The following ADK variants were observed in gnomAD, a reference collection of about 807,000 sequenced individuals.
The protein encoded by ADK is adenosine kinase, also known as N6,N6-dimethyladenosine kinase.
A neutral mutation model predicts 44.7 loss-of-function variants in ADK; 24 were observed. The observed-to-expected ratio is 0.54, with a 90% CI of 0.39 to 0.76. The LOEUF is 0.76. ADK is among the 30% of genes least tolerant of loss of function. The pLI is 0.00. For synonymous variants in ADK, 128 were observed against 142.6 expected, an observed-to-expected ratio of 0.90 and a Z score of 0.73; for missense variants, 321 against 425.1, an observed-to-expected ratio of 0.76 and a Z score of 2.15.
At chr10:74,222,501 C>G (rs1844352191) in intron 2 of ADK, among the ~76,000 whole-genome samples, 1 of 151,938 alleles carries the variant, frequency 6.6e-6, no homozygotes, top group African/African-American at 2.4e-5. Context: ...CCCAGCCATC[C>G]CATTACTGGG....
At chr10:74,430,035 A>G (rs1844929157) in intron 6 of ADK, among the ~76,000 whole-genome samples, 1 of 152,182 alleles carries the variant, frequency 6.6e-6, no homozygotes, top group Admixed American at 6.5e-5. Flanking sequence ...TATTACCTCT[A>G]TTTTATTGAT....
chr10:74,516,215 G>C (rs569943869), intron 6 of ADK, among the ~76,000 whole-genome samples: 62 of 152,140 alleles, frequency 4.1e-4, no homozygotes, highest in Non-Finnish European at 7.4e-4. Flanking sequence ...GAGGCTGGTA[G>C]GGATCTTCTG....
Position 74,230,524 on chromosome 10 carries a change from A to G in ADK, c.194+5933A>G, listed in dbSNP as rs1222986078. On this transcript the variant is annotated intron_variant, in intron 3 of 10. Coordinates refer to ENST00000539909, the MANE Select transcript of ADK (RefSeq NM_006721.4). ...TCTCGCTTTGTCACCCAGGCTAGAA[A>G]ACAGTTGCATGATCATGGCTCACTA... Among the ~76,000 whole-genome samples the G allele has an allele frequency of 2.0e-5, 3 of 151,698 alleles. No individual in the cohort carries two copies. In the South Asian group the frequency reaches 6.3e-4, roughly 32 times the overall value.
intron 6 of ADK, among the ~76,000 whole-genome samples, chr10:74,457,210 C>T (rs930443360): frequency 1.3e-5 from 2 of 152,162 alleles, no homozygotes; most frequent in African/African-American, 2.4e-5. Flanking sequence ...CACCTCTACG[C>T]AAATAAACTA....
At chr10:74,678,185 A>G (rs1855475104) in intron 10 of ADK, among the ~76,000 whole-genome samples, 1 of 151,640 alleles carries the variant, frequency 6.6e-6, no homozygotes, top group Non-Finnish European at 1.5e-5. Flanking sequence ...CACCACAGAT[A>G]GTAGTTCAGG....
chr10:74,209,121 T>G (rs530706773), intron 2 of ADK, among the ~76,000 whole-genome samples: 1 of 152,322 alleles, frequency 6.6e-6, no homozygotes, highest in African/African-American at 2.4e-5. Context: ...TGTAGCAGTA[T>G]AAGAAGTGTG....
chr10:74,375,283 CT>C (rs1260765338), intron 4 of ADK, among the ~76,000 whole-genome samples: 10 of 151,816 alleles, frequency 6.6e-5, no homozygotes, highest in Admixed American at 5.9e-4. Flanking sequence ...TTGCCTTTTG[CT>C]TTTTTTAATA....
At position 74,296,066 on chromosome 10, in the gene ADK, CTTT is replaced by C. The variant is rs59799489; in HGVS notation, c.195-18587_195-18585del. On this transcript the variant is annotated intron_variant, in intron 3 of 10. Transcript: ENST00000539909. Reference sequence around the variant, plus strand: ...TTTTCTATTTCCACGTATTTAGCTCCTTTTTTTTTTTTTTTTACTTTCTTTGGG... The same window carrying C: ...TTTTCTATTTCCACGTATTTAGCTCCTTTTTTTTTTTTTACTTTCTTTGGG... 2.9e-3 allele frequency among the ~76,000 whole-genome samples: 402 copies of C among 139,924 alleles called. 1 individual carries two copies. Among genetic ancestry groups the C allele is most frequent in the Middle Eastern group, 7.5e-3 (2 of 266 alleles). The allele number at this position is 139,924 out of a possible 152,430, so 91.8% of individuals were successfully genotyped here.
chr10:74,398,434 A>G, intron 5 of ADK, 37 bp from the exon 6 acceptor site: 2 of 1,397,328 alleles, frequency 1.4e-6, no homozygotes, highest in Non-Finnish European at 2.0e-6. Context: ...GCTAAGTTTG[A>G]CTATAATATT....
chr10:74,694,751 G>A (rs1199713638), intron 10 of ADK, among the ~76,000 whole-genome samples: 3 of 152,076 alleles, frequency 2.0e-5, no homozygotes, highest in Admixed American at 1.3e-4. Context: ...CAAAGTGCTG[G>A]GATTACAGGC....
At chr10:74,199,360 A>C (rs759676360) in intron 1 of ADK, among the ~76,000 whole-genome samples, 1 of 152,142 alleles carries the variant, frequency 6.6e-6, no homozygotes, top group African/African-American at 2.4e-5. Context: ...TGATTTTGGA[A>C]TCTCCAGTGT....
intron 7 of ADK, among the ~76,000 whole-genome samples, chr10:74,566,077 A>G (rs971486968): frequency 1.3e-5 from 2 of 152,162 alleles, no homozygotes; most frequent in Non-Finnish European, 2.9e-5. Flanking sequence ...GGATAAATTT[A>G]TAAGCATTTG....
chr10:74,575,942 G>T (rs1277680863), intron 7 of ADK, among the ~76,000 whole-genome samples: 1 of 152,074 alleles, frequency 6.6e-6, no homozygotes, highest in Non-Finnish European at 1.5e-5. Flanking sequence ...AGAGTTTTAG[G>T]TATTATAGGA....
At chr10:74,456,576 A>G (rs1845951957) in intron 6 of ADK, among the ~76,000 whole-genome samples, 1 of 146,130 alleles carries the variant, frequency 6.8e-6, no homozygotes, top group Non-Finnish European at 1.5e-5. Context: ...CTGAGGCAGG[A>G]GAATGGCGTG....
At chr10:74,373,813 G>T (rs1842742056) in intron 4 of ADK, among the ~76,000 whole-genome samples, 1 of 152,056 alleles carries the variant, frequency 6.6e-6, no homozygotes. Flanking sequence ...ATATACACAA[G>T]ACAAATGAAA....
intron 7 of ADK, among the ~76,000 whole-genome samples, chr10:74,575,850 A>G (rs1488512583): frequency 1.3e-5 from 2 of 152,170 alleles, no homozygotes; most frequent in Admixed American, 1.3e-4. Context: ...AGTACTGGAG[A>G]CTGGTTAAGA....
intron 3 of ADK, among the ~76,000 whole-genome samples, chr10:74,299,970 G>A (rs759754402): frequency 1.7e-4 from 26 of 151,730 alleles, no homozygotes; most frequent in Non-Finnish European, 3.4e-4. Flanking sequence ...TTCAACTACT[G>A]TTATTGCATA....
chr10:74,560,486 T>A (rs1223540505), intron 7 of ADK, among the ~76,000 whole-genome samples: 1 of 152,208 alleles, frequency 6.6e-6, no homozygotes, highest in African/African-American at 2.4e-5. Context: ...CAATGATGCT[T>A]TAGCGTAGCA....
intron 6 of ADK, chr10:74,506,171 A>C (rs1848066645): frequency 1.3e-5 from 2 of 155,588 alleles, no homozygotes; most frequent in South Asian, 4.0e-4. Flanking sequence ...TTTAAATATA[A>C]GATAAAAAGA....
Sources: gnomAD v4.1 joint callset for allele counts (sites outside exome capture counted in the v4.1 genomes callset) on GRCh38, gnomAD v4.1.1 for gene constraint, MANE v1.5 for transcripts, NCBI Gene and HGNC (gene_info 2026-07-23, HGNC 2026-07-21) for gene names.